RABGEF1: variants seen among roughly 807,000 people sequenced by gnomAD.
RABGEF1 encodes the protein rab5 GDP/GTP exchange factor.
RABGEF1 carries 26 observed loss-of-function variants against 57.3 expected under a neutral mutation model. That is an observed-to-expected ratio of 0.45 (90% CI 0.33 to 0.63). RABGEF1 has a LOEUF of 0.63. Ranked by LOEUF, RABGEF1 falls within the 20% of genes least tolerant of loss-of-function variation. The pLI is 0.02. For missense variants in RABGEF1, 464 were observed against 607.6 expected (o/e 0.76, Z 2.48); for synonymous variants, 185 against 210.7 (o/e 0.88, Z 1.06).
the RABGEF1 span, among the ~76,000 whole-genome samples, chr7:66,674,069 T>G: frequency 6.6e-6 from 1 of 152,222 alleles, no homozygotes; most frequent in Non-Finnish European, 1.5e-5. Flanking sequence ...AGAACTCTTC[T>G]GCATTGCTGT....
chr7:66,808,879 C>T lies in RABGEF1; in HGVS notation c.1078-7C>T. On this transcript the variant is annotated splice_region_variant and splice_polypyrimidine_tract_variant and intron_variant, in intron 8 of 8. Transcript: ENST00000284957. The stretch of plus-strand genomic sequence containing the variant: ...AATATGACTGTATTAACGTCCTCTT[C>T]TTGTAGTGCTGTGCTGTGGCTTTCA... The T allele has an allele frequency of 6.4e-7, 1 of 1,562,722 alleles. No individual in the cohort carries two copies. Among genetic ancestry groups the T allele is most frequent in the South Asian group, 1.1e-5 (1 of 87,204 alleles).
chr7:66,769,011 G>C (rs1285788508), intron 1 of RABGEF1: 2 of 152,200 alleles, frequency 1.3e-5, no homozygotes, highest in East Asian at 1.9e-4. Context: ...TGTGGCTCAA[G>C]AGAAGGAGGA....
intron 1 of RABGEF1, among the ~76,000 whole-genome samples, chr7:66,743,184 G>A (rs1488926600): frequency 6.6e-6 from 1 of 152,064 alleles, no homozygotes; most frequent in Admixed American, 6.5e-5. Context: ...GGCGCCTGCC[G>A]TAATGCTAGC....
chr7:66,715,857 G>A (rs1353612561), intron 2 of RABGEF1, among the ~76,000 whole-genome samples: 2 of 152,110 alleles, frequency 1.3e-5, no homozygotes, highest in Non-Finnish European at 2.9e-5. Flanking sequence ...GGGTTCAGGT[G>A]CTCCTTGTGC....
rs58680236 is a variant in RABGEF1, at chr7:66,733,033, A to G, written c.-814-6963A>G. Among the ~76,000 whole-genome samples, 538 of 152,260 alleles carry G rather than the reference A, an allele frequency of 3.5e-3. 2 individuals carry two copies. The highest frequency in any genetic ancestry group is 0.012 in the African/African-American group (479 of 41,560). On this transcript the variant is annotated intron_variant and NMD_transcript_variant, in intron 2 of 9. Transcript: ENST00000607882. ...CCCCAGCTCCCTATATAATGCAGAG[A>G]AAGTTCCAGCTCCTTAGCCGCGTAG...
chr7:66,797,622 C>A, intron 6 of RABGEF1, 116 bp downstream of exon 6: 1 of 1,175,782 alleles, frequency 8.5e-7, no homozygotes, highest in Non-Finnish European at 1.2e-6. Flanking sequence ...GCTCATGTTC[C>A]TGCTTCCTTA....
intron 1 of RABGEF1, among the ~76,000 whole-genome samples, chr7:66,758,502 A>C (rs571855872): frequency 2.0e-5 from 3 of 152,236 alleles, no homozygotes; most frequent in African/African-American, 7.2e-5. Context: ...GTGCTCCAAC[A>C]GGAGCGATGT....
At chr7:66,770,408 A>T (rs560447254) in intron 1 of RABGEF1, 3 of 152,222 alleles carry the variant, frequency 2.0e-5, no homozygotes, top group Non-Finnish European at 4.4e-5. Context: ...CAGCTGTGAG[A>T]CTGAACAAAT....
chr7:66,680,225 C>T (rs1435912229), upstream of RABGEF1, among the ~76,000 whole-genome samples: 1 of 152,054 alleles, frequency 6.6e-6, no homozygotes, highest in Non-Finnish European at 1.5e-5. Flanking sequence ...ACCTCCTCAG[C>T]ACAGGTACTT....
At chr7:66,756,834 C>T (rs1194731026) in intron 1 of RABGEF1, among the ~76,000 whole-genome samples, 2 of 152,074 alleles carry the variant, frequency 1.3e-5, no homozygotes, top group African/African-American at 4.8e-5. Flanking sequence ...CCAGTTATTG[C>T]AACACTATTT....
intron 1 of RABGEF1, among the ~76,000 whole-genome samples, chr7:66,758,546 C>T (rs1803362818): frequency 6.6e-6 from 1 of 152,212 alleles, no homozygotes; most frequent in Non-Finnish European, 1.5e-5. Context: ...GGAAGCAGTG[C>T]TGGTGGTGGT....
upstream of RABGEF1, among the ~76,000 whole-genome samples, chr7:66,678,614 G>C (rs1407932248): frequency 6.6e-6 from 1 of 151,692 alleles, no homozygotes; most frequent in African/African-American, 2.4e-5. Context: ...CCCAGGGAGG[G>C]AGAGGGATGA....
chr7:66,703,218 C>T (rs754722431), intron 1 of RABGEF1, among the ~76,000 whole-genome samples: 1 of 152,140 alleles, frequency 6.6e-6, no homozygotes, highest in Non-Finnish European at 1.5e-5. Flanking sequence ...CGTGCCCGCC[C>T]GCCTTGGCCT....
intron 1 of RABGEF1, among the ~76,000 whole-genome samples, chr7:66,748,602 A>G (rs1184464892): frequency 6.6e-6 from 1 of 152,180 alleles, no homozygotes; most frequent in Non-Finnish European, 1.5e-5. Flanking sequence ...ACAAAGAATA[A>G]AATCATAACG....
chr7:66,655,090 C>T, the RABGEF1 span, among the ~76,000 whole-genome samples: 1 of 152,208 alleles, frequency 6.6e-6, no homozygotes, highest in Non-Finnish European at 1.5e-5. Flanking sequence ...GACCACAGCT[C>T]TTGGCCGCGA....
intron 1 of RABGEF1, among the ~76,000 whole-genome samples, chr7:66,754,738 A>T (rs1028117032): frequency 6.6e-6 from 1 of 152,204 alleles, no homozygotes; most frequent in Admixed American, 6.5e-5. Flanking sequence ...GAATAAATAC[A>T]TTTCACGTCT....
At chr7:66,720,658 T>C (rs1226895896) in intron 2 of RABGEF1, among the ~76,000 whole-genome samples, 3 of 152,176 alleles carry the variant, frequency 2.0e-5, no homozygotes, top group Non-Finnish European at 1.5e-5. Flanking sequence ...ATGTCCACTC[T>C]TGCTGCTTGC....
At chr7:66,793,472 C>T (rs575775252) in intron 4 of RABGEF1, among the ~76,000 whole-genome samples, 3 of 152,102 alleles carry the variant, frequency 2.0e-5, no homozygotes, top group Non-Finnish European at 4.4e-5. Flanking sequence ...GATTTTTGAG[C>T]ATTTCAGATT....
chr7:66,791,332 C>T (rs1812607159), intron 4 of RABGEF1, among the ~76,000 whole-genome samples: 1 of 152,158 alleles, frequency 6.6e-6, no homozygotes, highest in Non-Finnish European at 1.5e-5. Flanking sequence ...TACTAATGAC[C>T]TCAAGATATA....
Sources: gnomAD v4.1 joint callset for allele counts (sites outside exome capture counted in the v4.1 genomes callset) on GRCh38, gnomAD v4.1.1 for gene constraint, MANE v1.5 for transcripts, NCBI Gene and HGNC (gene_info 2026-07-23, HGNC 2026-07-21) for gene names.